HMX3: variants seen among roughly 807,000 people sequenced by gnomAD.
HMX3 encodes the protein H6 family homeobox 3, also known as homeobox protein HMX3.
In HMX3, 8 loss-of-function variants were observed where a neutral mutation model predicts 22.8. That is an observed-to-expected ratio of 0.35 (90% CI 0.21 to 0.63). HMX3 has a LOEUF of 0.63. Among genes scored for constraint, HMX3 ranks in the 30% least tolerant of loss-of-function variants. The pLI is 0.72. For synonymous variants in HMX3, 331 were observed against 250.9 expected (o/e 1.32, Z -3.02); for missense variants, 527 against 520.6 (o/e 1.01, Z -0.12).
rs942428802 is a variant in HMX3 at position 123,137,543 on chromosome 10, A to G, written c.886A>G (p.Ser296Gly). ...LAAELEAANLSHAAAQRIVRV... is the reference protein window; with the variant it reads ...LAAELEAANLGHAAAQRIVRV... ...GGCGGAGCTGGAGGCGGCCAACCTG[A>G]GCCATGCCGCGGCGCAGCGCATCGT... Residue 296 changes from serine to glycine, a missense_variant, in exon 2 of 2, where the codon AGC (serine) becomes GGC (glycine). Around this residue, in one of 3 missense-constraint regions of HMX3, gnomAD observed 100 missense variants for 102.3 expected, o/e 0.98. Transcript: ENST00000357878. This position sits in a 1 kb window ranked among gnomAD's most constrained non-coding sequence, Gnocchi z 5.8. 3.7e-6 allele frequency: 6 copies of G among 1,610,770 alleles called. No individual in the cohort carries two copies.
Position 123,137,092 on chromosome 10 carries a change from C to T in HMX3, c.435C>T (p.Pro145=), listed in dbSNP as rs761583352. ...SEKALLRDSS[P]ASGTDRDSPE... Reference sequence around the variant, plus strand: ...AGGCCTTGCTGAGAGACTCCTCCCCCGCCTCCGGCACAGACCGCGACTCTC... The same window carrying T: ...AGGCCTTGCTGAGAGACTCCTCCCCTGCCTCCGGCACAGACCGCGACTCTC... Residue 145 remains proline (P), a synonymous_variant, in exon 2 of 2, where the codon CCC becomes CCT. Transcript: ENST00000357878. The surrounding 1 kb of genome is among the most constrained non-coding windows in gnomAD (Gnocchi z 5.8). 7 of 1,610,372 alleles carry T rather than the reference C, an allele frequency of 4.3e-6. No homozygotes were observed. The highest frequency in any genetic ancestry group is 1.3e-5 in the African/African-American group (1 of 74,826).
At position 123,137,967 on chromosome 10, in the gene HMX3, C is replaced by A. The variant is rs955095415; in HGVS notation, c.*236C>A. Reference sequence around the variant, plus strand: ...TTCCCCTCTTACTTTTGGTTTTTGGCTTATATTAAGAGAAAGCAGGAACAA... The same window carrying A: ...TTCCCCTCTTACTTTTGGTTTTTGGATTATATTAAGAGAAAGCAGGAACAA... On this transcript the variant is annotated 3_prime_UTR_variant, in exon 2 of 2. Transcript: ENST00000357878. The surrounding 1 kb of genome is among the most constrained non-coding windows in gnomAD (Gnocchi z 5.8). Among the ~76,000 whole-genome samples the A allele has an allele frequency of 6.6e-6, 1 of 152,098 alleles. No homozygotes were observed. Among genetic ancestry groups the A allele is most frequent in the Non-Finnish European group, 1.5e-5 (1 of 68,030 alleles).
Position 123,136,353 on chromosome 10 carries a change from G to A in HMX3, c.303G>A (p.Gln101=). 4.5e-6 allele frequency: 7 copies of A among 1,572,804 alleles called. No homozygotes were observed. Among genetic ancestry groups the A allele is most frequent in the Non-Finnish European group, 6.0e-6 (7 of 1,160,732 alleles). The part of the protein sequence containing the change: ...LAFPRFEIPA[Q]RFALPAHYLE... ...TCCCTCGCTTTGAGATCCCGGCGCA[G>A]AGGTTTGCCCTGCCCGCGCACTACC... is the stretch of plus-strand genomic sequence containing the variant. The change falls in exon 1 of 2, where the codon CAG becomes CAA. Residue 101 remains glutamine, a synonymous_variant. Coordinates refer to ENST00000357878, the MANE Select transcript of HMX3 (RefSeq NM_001105574.2). The surrounding 1 kb of genome is among the most constrained non-coding windows in gnomAD (Gnocchi z 4.8).
Position 123,137,633 on chromosome 10 carries a change from G to T in HMX3, c.976G>T (p.Ala326Ser). 8 of 1,527,616 alleles carry T rather than the reference G, an allele frequency of 5.2e-6. No homozygotes were observed. The highest frequency in any genetic ancestry group is 2.1e-5 in the Admixed American group (1 of 47,068). The allele number at this position is 1,527,616 out of a possible 1,614,324, so 94.6% of individuals were successfully genotyped here. The change falls in exon 2 of 2, where the codon GCC becomes TCC. Residue 326 changes from alanine (A) to serine (S), a missense_variant. Ala to Ser is a moderately conservative substitution (Grantham distance 99). Coordinates refer to ENST00000357878, the MANE Select transcript of HMX3 (RefSeq NM_001105574.2). This position sits in a 1 kb window ranked among gnomAD's most constrained non-coding sequence, Gnocchi z 5.8. ...AEGAAAAAAGAPVPVSQPLLT... is the reference protein window; with the variant it reads ...AEGAAAAAAGSPVPVSQPLLT... ...GGGCGCGGCGGCTGCAGCCGCGGGG[G>T]CCCCGGTGCCAGTCAGCCAGCCGCT...
chr10:123,137,757 C>A lies in HMX3; in HGVS notation c.*26C>A. On this transcript the variant is annotated 3_prime_UTR_variant, in exon 2 of 2. Coordinates refer to ENST00000357878, the MANE Select transcript of HMX3 (RefSeq NM_001105574.2). The surrounding 1 kb of genome is among the most constrained non-coding windows in gnomAD (Gnocchi z 5.8). The stretch of plus-strand genomic sequence containing the variant: ...GGCCCCAGAGGGGTGGGGGAGGGAG[C>A]GCCCGGCCTCCTTGTCCGGACCCCG... The A allele has an allele frequency of 2.1e-6, 3 of 1,398,026 alleles. No individual in the cohort carries two copies. The highest frequency in any genetic ancestry group is 2.8e-6 in the Non-Finnish European group (3 of 1,077,296). 86.6% of individuals were successfully genotyped at this position (1,398,026 alleles called of 1,614,324 possible). A position where few individuals can be genotyped will look rare whatever the true frequency, so the allele number is the denominator to read the frequency against.
At position 123,136,062 on chromosome 10, in the gene HMX3, C is replaced by T; in HGVS notation, c.12C>T (p.Pro4=). 2 of 1,394,172 alleles carry T rather than the reference C, an allele frequency of 1.4e-6. No individual in the cohort carries two copies. Among genetic ancestry groups the T allele is most frequent in the African/African-American group, 1.5e-5 (1 of 66,050 alleles). 86.4% of individuals were successfully genotyped at this position (1,394,172 alleles called of 1,614,324 possible). A position where few individuals can be genotyped will look rare whatever the true frequency, so the allele number is the denominator to read the frequency against. Residue 4 remains proline (P), a synonymous_variant, in exon 1 of 2, where the codon CCC becomes CCT. Transcript: ENST00000357878. This position sits in a 1 kb window ranked among gnomAD's most constrained non-coding sequence, Gnocchi z 4.8. The part of the protein sequence containing the change: MPE[P]GPDAAGTASA... ...GAGGAGAGGGGACCATGCCGGAACC[C>T]GGGCCGGACGCTGCCGGCACCGCCA...
Position 123,137,659 on chromosome 10 carries a change from G to T in HMX3, c.1002G>T (p.Leu334=). Residue 334 remains leucine (L), a synonymous_variant, in exon 2 of 2, where the codon CTG becomes CTT. Coordinates refer to ENST00000357878, the MANE Select transcript of HMX3 (RefSeq NM_001105574.2). This position sits in a 1 kb window ranked among gnomAD's most constrained non-coding sequence, Gnocchi z 5.8. ...AGAPVPVSQP[L]LTFPHPVYYS... ...CCCCGGTGCCAGTCAGCCAGCCGCT[G>T]CTCACCTTCCCGCACCCCGTCTACT... 1.3e-6 allele frequency: 2 copies of T among 1,500,252 alleles called. No homozygotes were observed. Among genetic ancestry groups the T allele is most frequent in the Non-Finnish European group, 1.8e-6 (2 of 1,133,692 alleles). The allele number at this position is 1,500,252 out of a possible 1,614,324, so 92.9% of individuals were successfully genotyped here.
rs915009843 is a variant in HMX3 at position 123,137,599 on chromosome 10, G to A, written c.942G>A (p.Ser314=). The A allele has an allele frequency of 6.3e-7, 1 of 1,579,702 alleles. No homozygotes were observed. The highest frequency in any genetic ancestry group is 8.6e-7 in the Non-Finnish European group (1 of 1,167,674). Residue 314 remains serine, a synonymous_variant, in exon 2 of 2, where the codon TCG becomes TCA. Coordinates refer to ENST00000357878, the MANE Select transcript of HMX3 (RefSeq NM_001105574.2). The surrounding 1 kb of genome is among the most constrained non-coding windows in gnomAD (Gnocchi z 5.8). ...TGCCCATCCTCTACCACGAGAACTC[G>A]GCGGCCGAGGGCGCGGCGGCTGCAG... ...VRVPILYHEN[S]AAEGAAAAAA...
At position 123,136,139 on chromosome 10, in the gene HMX3, C is replaced by A. The variant is rs747739210; in HGVS notation, c.89C>A (p.Pro30Gln). Reference protein sequence around the residue: ...PPPPPAPKESPFSIKNLLNGD... With the variant: ...PPPPPAPKESQFSIKNLLNGD... ...CCCCCACCCGCTCCCAAGGAGTCCCCGTTCTCCATCAAGAACCTGCTCAAC... is the reference window on the plus strand; with the variant it reads ...CCCCCACCCGCTCCCAAGGAGTCCCAGTTCTCCATCAAGAACCTGCTCAAC... Residue 30 changes from proline to glutamine, a missense_variant, in exon 1 of 2, where the codon CCG (proline) becomes CAG (glutamine). Physicochemically the swap from Pro to Gln is moderately conservative, Grantham distance 76. Transcript: ENST00000357878. The surrounding 1 kb of genome is among the most constrained non-coding windows in gnomAD (Gnocchi z 4.8). 2 of 1,410,352 alleles carry A rather than the reference C, an allele frequency of 1.4e-6. No individual in the cohort carries two copies. Among genetic ancestry groups the A allele is most frequent in the East Asian group, 2.9e-5 (1 of 34,144 alleles). 87.4% of individuals were successfully genotyped at this position (1,410,352 alleles called of 1,614,324 possible).
rs747731931 is a variant in HMX3 at position 123,136,063 on chromosome 10, G to A, written c.13G>A (p.Gly5Arg). 3.6e-6 allele frequency: 5 copies of A among 1,390,574 alleles called. No individual in the cohort carries two copies. The highest frequency in any genetic ancestry group is 4.7e-6 in the Non-Finnish European group (5 of 1,070,620). The allele number at this position is 1,390,574 out of a possible 1,614,324, so 86.1% of individuals were successfully genotyped here. Residue 5 changes from glycine to arginine, a missense_variant, in exon 1 of 2, where the codon GGG becomes AGG. Gly to Arg is a moderately radical substitution (Grantham distance 125). This residue lies in a region of HMX3 where 386 missense variants were observed against 337.8 expected (regional missense o/e 1.14). Coordinates refer to ENST00000357878, the MANE Select transcript of HMX3 (RefSeq NM_001105574.2). The surrounding 1 kb of genome is among the most constrained non-coding windows in gnomAD (Gnocchi z 4.8). Reference protein sequence around the residue: MPEPGPDAAGTASAQ... With the variant: MPEPRPDAAGTASAQ... ...AGGAGAGGGGACCATGCCGGAACCC[G>A]GGCCGGACGCTGCCGGCACCGCCAG...
In HMX3 at chr10:123,138,850, G is replaced by C. The variant is rs549406997; in HGVS notation, c.*1119G>C. On this transcript the variant is annotated 3_prime_UTR_variant, in exon 2 of 2. Transcript: ENST00000357878. ...TTATTAATATTACTATTATTACTTT[G>C]TTCCCTGTTTTGAGAGAGTAATTTC... 6.6e-6 allele frequency among the ~76,000 whole-genome samples: 1 copy of C among 152,136 alleles called. No individual in the cohort carries two copies. Among genetic ancestry groups the C allele is most frequent in the East Asian group, 1.9e-4 (1 of 5,174 alleles).
chr10:123,137,565 T>A lies in HMX3; in HGVS notation c.908T>A (p.Ile303Asn), dbSNP rs1374158450. 6.2e-7 allele frequency: 1 copy of A among 1,608,092 alleles called. No individual in the cohort carries two copies. Among genetic ancestry groups the A allele is most frequent in the African/African-American group, 1.3e-5 (1 of 74,832 alleles). ...CTGAGCCATGCCGCGGCGCAGCGCA[T>A]CGTGCGGGTGCCCATCCTCTACCAC... ...ANLSHAAAQR[I>N]VRVPILYHEN... Residue 303 changes from isoleucine (I) to asparagine (N), a missense_variant, in exon 2 of 2, where the codon ATC becomes AAC. By Grantham distance (149) the Ile-to-Asn change is moderately radical. This residue lies in a region of HMX3 where 100 missense variants were observed against 102.3 expected (regional missense o/e 0.98). Coordinates refer to ENST00000357878, the MANE Select transcript of HMX3 (RefSeq NM_001105574.2). The surrounding 1 kb of genome is among the most constrained non-coding windows in gnomAD (Gnocchi z 5.8).
Position 123,136,456 on chromosome 10 carries a change from G to C in HMX3, c.400+6G>C, listed in dbSNP as rs541381849. The C allele has an allele frequency of 7.1e-7, 1 of 1,411,072 alleles. No individual in the cohort carries two copies. The highest frequency in any genetic ancestry group is 1.6e-5 in the South Asian group (1 of 60,758). The allele number at this position is 1,411,072 out of a possible 1,614,324, so 87.4% of individuals were successfully genotyped here. A position where few individuals can be genotyped will look rare whatever the true frequency, so the allele number is the denominator to read the frequency against. ...CCACCTCCCGCGACCTGAAGGTACCGACCTCTCTTTGAACTTTCGTTGTCC... is the reference window on the plus strand; with the variant it reads ...CCACCTCCCGCGACCTGAAGGTACCCACCTCTCTTTGAACTTTCGTTGTCC... On this transcript the variant is annotated splice_donor_region_variant and intron_variant, in intron 1 of 1. Coordinates refer to ENST00000357878, the MANE Select transcript of HMX3 (RefSeq NM_001105574.2). This position sits in a 1 kb window ranked among gnomAD's most constrained non-coding sequence, Gnocchi z 4.8.
rs1844075168 is a variant in HMX3 at position 123,136,374 on chromosome 10, C to G, written c.324C>G (p.His108Gln). Reference sequence around the variant, plus strand: ...CGCAGAGGTTTGCCCTGCCCGCGCACTACCTGGAGCGCTCCCCAGCCTGGT... The same window carrying G: ...CGCAGAGGTTTGCCCTGCCCGCGCAGTACCTGGAGCGCTCCCCAGCCTGGT... Reference protein sequence around the residue: ...IPAQRFALPAHYLERSPAWWY... With the variant: ...IPAQRFALPAQYLERSPAWWY... Residue 108 changes from histidine (H) to glutamine (Q), a missense_variant, in exon 1 of 2, where the codon CAC (histidine) becomes CAG (glutamine). Around this residue, in one of 3 missense-constraint regions of HMX3, gnomAD observed 386 missense variants for 337.8 expected, o/e 1.14. Transcript: ENST00000357878. The surrounding 1 kb of genome is among the most constrained non-coding windows in gnomAD (Gnocchi z 4.8). 1 of 1,565,774 alleles carries G rather than the reference C, an allele frequency of 6.4e-7. No homozygotes were observed. Among genetic ancestry groups the G allele is most frequent in the Non-Finnish European group, 8.6e-7 (1 of 1,156,792 alleles).
rs777165146 is a variant in HMX3, at chr10:123,136,164, C to G, written c.114C>G (p.Asn38Lys). Residue 38 changes from asparagine to lysine, a missense_variant, in exon 1 of 2, where the codon AAC (asparagine) becomes AAG (lysine). Transcript: ENST00000357878. This position sits in a 1 kb window ranked among gnomAD's most constrained non-coding sequence, Gnocchi z 4.8. ...CGTTCTCCATCAAGAACCTGCTCAA[C>G]GGAGACCACCACCGGCCGCCCCCTA... ...ESPFSIKNLL[N>K]GDHHRPPPKP... 1.7e-5 allele frequency: 22 copies of G among 1,297,124 alleles called. No individual in the cohort carries two copies. The South Asian group carries it at 3.3e-4, about 20-fold the overall frequency. The allele number at this position is 1,297,124 out of a possible 1,614,324, so 80.4% of individuals were successfully genotyped here. A position where few individuals can be genotyped will look rare whatever the true frequency, so the allele number is the denominator to read the frequency against.
chr10:123,136,230 G>C lies in HMX3; in HGVS notation c.180G>C (p.Ser60=). ...PPPRTLFAPA[S]AAAAAAAAAA... ...CACGGACGCTCTTCGCGCCAGCCTC[G>C]GCTGCCGCCGCCGCCGCCGCTGCCG... Residue 60 remains serine (S), a synonymous_variant, in exon 1 of 2, where the codon TCG becomes TCC. Coordinates refer to ENST00000357878, the MANE Select transcript of HMX3 (RefSeq NM_001105574.2). The surrounding 1 kb of genome is among the most constrained non-coding windows in gnomAD (Gnocchi z 4.8). 2.2e-6 allele frequency: 3 copies of C among 1,335,014 alleles called. No individual in the cohort carries two copies. Among genetic ancestry groups the C allele is most frequent in the Non-Finnish European group, 2.9e-6 (3 of 1,046,932 alleles). 82.7% of individuals were successfully genotyped at this position (1,335,014 alleles called of 1,614,324 possible).
At position 123,136,239 on chromosome 10, in the gene HMX3, C is replaced by T. The variant is rs1024886769; in HGVS notation, c.189C>T (p.Ala63=). The change falls in exon 1 of 2, where the codon GCC becomes GCT. Residue 63 remains alanine (A), a synonymous_variant. Transcript: ENST00000357878. The surrounding 1 kb of genome is among the most constrained non-coding windows in gnomAD (Gnocchi z 4.8). ...TCTTCGCGCCAGCCTCGGCTGCCGC[C>T]GCCGCCGCCGCTGCCGCTGCCGCGG... ...RTLFAPASAA[A]AAAAAAAAAA... 4 of 1,337,610 alleles carry T rather than the reference C, an allele frequency of 3.0e-6. No homozygotes were observed. The highest frequency in any genetic ancestry group is 3.1e-5 in the African/African-American group (2 of 64,856). The allele number at this position is 1,337,610 out of a possible 1,614,324, so 82.9% of individuals were successfully genotyped here.
Position 123,136,043 on chromosome 10 carries a change from AG to A in HMX3, c.-4del. 7.3e-7 allele frequency: 1 copy of A among 1,364,704 alleles called. No homozygotes were observed. Among genetic ancestry groups the A allele is most frequent in the South Asian group, 1.9e-5 (1 of 53,522 alleles). The allele number at this position is 1,364,704 out of a possible 1,614,324, so 84.5% of individuals were successfully genotyped here. ...CCTCCCTCCCGGGGACCCGGAGGAG[AG>A]GGGACCATGCCGGAACCCGGGCCGG... is the stretch of plus-strand genomic sequence containing the variant. On this transcript the variant is annotated 5_prime_UTR_variant, in exon 1 of 2. Transcript: ENST00000357878. This position sits in a 1 kb window ranked among gnomAD's most constrained non-coding sequence, Gnocchi z 4.8.
chr10:123,136,006 C>A lies in HMX3; in HGVS notation c.-45C>A. ...TCTCGCCTGCTCGCCCCGCCGCCCG[C>A]CTGTCCCGCTCCCTCCCTCCCGGGG... On this transcript the variant is annotated 5_prime_UTR_variant, in exon 1 of 2. Transcript: ENST00000357878. This position sits in a 1 kb window ranked among gnomAD's most constrained non-coding sequence, Gnocchi z 4.8. 7.6e-7 allele frequency: 1 copy of A among 1,317,776 alleles called. No homozygotes were observed. Among genetic ancestry groups the A allele is most frequent in the Non-Finnish European group, 9.7e-7 (1 of 1,031,514 alleles). 81.6% of individuals were successfully genotyped at this position (1,317,776 alleles called of 1,614,324 possible).
Sources: gnomAD v4.1 joint callset for allele counts (sites outside exome capture counted in the v4.1 genomes callset) on GRCh38, gnomAD v4.1.1 for gene constraint, gnomAD v4.1.1 regional missense constraint, Gnocchi (gnomAD v3.1) non-coding constraint, MANE v1.5 for transcripts, NCBI Gene and HGNC (gene_info 2026-07-23, HGNC 2026-07-21) for gene names.